CCNY: variants seen among roughly 807,000 people sequenced by gnomAD.
The protein encoded by CCNY is cyclin-Y.
Under a neutral mutation model 42.8 loss-of-function variants are expected in CCNY, and 19 were observed. The observed-to-expected ratio is 0.44, with a 90% CI of 0.31 to 0.65. CCNY has a LOEUF of 0.65. Ranked by LOEUF, CCNY falls within the 30% of genes least tolerant of loss-of-function variation. The pLI is 0.07. For synonymous variants in CCNY, 165 were observed against 162.7 expected, an observed-to-expected ratio of 1.01 and a Z score of -0.11; for missense variants, 370 against 437.3, an observed-to-expected ratio of 0.85 and a Z score of 1.37.
intron 7 of CCNY, among the ~76,000 whole-genome samples, chr10:35,540,287 G>T (rs192798903): frequency 1.3e-5 from 2 of 152,280 alleles, no homozygotes; most frequent in East Asian, 1.9e-4. Flanking sequence ...TTTTGAAAGG[G>T]TATTAGATTC....
chr10:35,387,641 C>T (rs1236735232), intron 1 of CCNY, among the ~76,000 whole-genome samples: 1 of 152,176 alleles, frequency 6.6e-6, no homozygotes, highest in Non-Finnish European at 1.5e-5. Flanking sequence ...TGCTCATGCA[C>T]ATACAGTTTG....
chr10:35,249,655 G>A (rs2095710438), intron 2 of CCNY, among the ~76,000 whole-genome samples: 1 of 152,230 alleles, frequency 6.6e-6, no homozygotes, highest in African/African-American at 2.4e-5. Flanking sequence ...CAATGATGAA[G>A]AGAATAGCAA....
chr10:35,404,010 C>T (rs537715190), intron 1 of CCNY, among the ~76,000 whole-genome samples: 169 of 152,050 alleles, frequency 1.1e-3, no homozygotes, highest in Non-Finnish European at 2.0e-3. Context: ...TGTGGGAGGC[C>T]GGATTGAAGT....
At position 35,248,948 on chromosome 10, in the gene CCNY, T is replaced by C. The variant is rs2095709968; in HGVS notation, c.-114+737T>C. On this transcript the variant is annotated intron_variant, in intron 2 of 11. Coordinates refer to the CCNY transcript ENST00000374706. ...AAAAGTCTTTTTTAGTGACACTAGG[T>C]TTGTTTTGTTTGGTTCAGTGATAGG... 2.0e-5 allele frequency among the ~76,000 whole-genome samples: 3 copies of C among 152,154 alleles called. No homozygotes were observed. In the South Asian group the frequency reaches 6.2e-4, roughly 32 times the overall value.
At chr10:35,496,953 C>T (rs1474696756) in intron 2 of CCNY, among the ~76,000 whole-genome samples, 2 of 152,152 alleles carry the variant, frequency 1.3e-5, no homozygotes, top group Admixed American at 6.5e-5. Flanking sequence ...TTAATGCCAA[C>T]TGTATTGTTT....
At chr10:35,351,835 C>T (rs1227012697) in intron 1 of CCNY, among the ~76,000 whole-genome samples, 1 of 152,146 alleles carries the variant, frequency 6.6e-6, no homozygotes, top group Non-Finnish European at 1.5e-5. Flanking sequence ...AGCCTGAAAT[C>T]ACATTCTCTT....
At position 35,337,153 on chromosome 10, in the gene CCNY, C is replaced by T. The variant is rs989670875; in HGVS notation, c.100C>T (p.Arg34Cys). ...CTACCGGCCAGACACGGACCTGAGCCGCGAGGACACGGGCTGCAACCTGCA... is the reference window on the plus strand; with the variant it reads ...CTACCGGCCAGACACGGACCTGAGCTGCGAGGACACGGGCTGCAACCTGCA... ...ESYRPDTDLSREDTGCNLQHI... is the reference protein window; with the variant it reads ...ESYRPDTDLSCEDTGCNLQHI... The change falls in exon 1 of 10, where the codon CGC (arginine) becomes TGC (cysteine). Residue 34 changes from arginine (R) to cysteine (C), a missense_variant. Arg to Cys is a radical substitution (Grantham distance 180). Coordinates refer to ENST00000374704, the MANE Select transcript of CCNY (RefSeq NM_145012.6). 1.3e-6 allele frequency: 2 copies of T among 1,582,854 alleles called. No individual in the cohort carries two copies. The highest frequency in any genetic ancestry group is 1.8e-5 in the Admixed American group (1 of 56,180).
intron 3 of CCNY, among the ~76,000 whole-genome samples, chr10:35,298,578 C>A (rs1449011382): frequency 6.6e-6 from 1 of 152,096 alleles, no homozygotes; most frequent in Non-Finnish European, 1.5e-5. Context: ...TACAGTGGCA[C>A]AATCATGGCT....
At chr10:35,546,472 G>A (rs571950555) in intron 7 of CCNY, among the ~76,000 whole-genome samples, 1 of 152,308 alleles carries the variant, frequency 6.6e-6, no homozygotes, top group East Asian at 1.9e-4. Flanking sequence ...AGAGTGACCT[G>A]TTAGCAATGG....
At chr10:35,367,796 AAGG>A (rs1379669300) in intron 1 of CCNY, among the ~76,000 whole-genome samples, 1 of 152,236 alleles carries the variant, frequency 6.6e-6, no homozygotes, top group Non-Finnish European at 1.5e-5. Flanking sequence ...AAACCTGAAA[AAGG>A]CATGTCTGAA....
chr10:35,252,521 G>A (rs1314795664), intron 3 of CCNY, among the ~76,000 whole-genome samples: 1 of 141,856 alleles, frequency 7.0e-6, no homozygotes, highest in South Asian at 2.2e-4. Flanking sequence ...AGCTGAGATC[G>A]CGCCACTGCA....
intron 1 of CCNY, among the ~76,000 whole-genome samples, chr10:35,354,374 C>CG (rs949066860): frequency 2.0e-5 from 3 of 151,840 alleles, no homozygotes; most frequent in African/African-American, 7.3e-5. Flanking sequence ...TTGGTAGAGA[C>CG]GGGGTTTCAC....
At position 35,534,565 on chromosome 10, in the gene CCNY, C is replaced by A. The variant is rs370107503; in HGVS notation, c.579+4322C>A. 2.6e-5 allele frequency among the ~76,000 whole-genome samples: 4 copies of A among 152,246 alleles called. No individual in the cohort carries two copies. In the South Asian group the frequency reaches 6.2e-4, roughly 24 times the overall value. ...AGACAGGAGGGGGTGTGGTCCCTTTCTTTATTTCCTATTTTTTAATAGCTT... is the reference window on the plus strand; with the variant it reads ...AGACAGGAGGGGGTGTGGTCCCTTTATTTATTTCCTATTTTTTAATAGCTT... On this transcript the variant is annotated intron_variant, in intron 7 of 9. Transcript: ENST00000374704.
chr10:35,312,978 C>T (rs1354392631), intron 3 of CCNY, among the ~76,000 whole-genome samples: 1 of 152,028 alleles, frequency 6.6e-6, no homozygotes, highest in Non-Finnish European at 1.5e-5. Flanking sequence ...TCCTTCCAGG[C>T]ATTGTAGGTC....
At chr10:35,290,577 T>C (rs1835402656) in intron 3 of CCNY, among the ~76,000 whole-genome samples, 1 of 152,258 alleles carries the variant, frequency 6.6e-6, no homozygotes, top group Non-Finnish European at 1.5e-5. Context: ...AAAATTCACA[T>C]ACTATACAAT....
rs145931002 is a variant in CCNY at position 35,361,076 on chromosome 10, C to G, written c.154+23869C>G. ...GTTTCGTCATGTTGGTCAGGCTGGTCTCGAACTCCTGGCCTTGTGATCCCC... is the reference window on the plus strand; with the variant it reads ...GTTTCGTCATGTTGGTCAGGCTGGTGTCGAACTCCTGGCCTTGTGATCCCC... On this transcript the variant is annotated intron_variant, in intron 1 of 9. Transcript: ENST00000374704. 4.6e-5 allele frequency among the ~76,000 whole-genome samples: 7 copies of G among 152,114 alleles called. No individual in the cohort carries two copies. In the East Asian group the frequency reaches 1.4e-3, roughly 29 times the overall value.
intron 3 of CCNY, among the ~76,000 whole-genome samples, chr10:35,262,256 T>TAAAA (rs2095720394): frequency 4.1e-5 from 1 of 24,572 alleles, no homozygotes; most frequent in African/African-American, 2.6e-4. Context: ...AAACTCTGTC[T>TAAAA]CAAAAAAAAA....
chr10:35,317,832 T>C (rs1835778193), intron 3 of CCNY, among the ~76,000 whole-genome samples: 2 of 152,176 alleles, frequency 1.3e-5, no homozygotes, highest in African/African-American at 4.8e-5. Context: ...GAGGAAGCTA[T>C]TGCTTAATTG....
chr10:35,380,542 C>T (rs1035172890), intron 1 of CCNY, among the ~76,000 whole-genome samples: 5 of 152,202 alleles, frequency 3.3e-5, no homozygotes, highest in Admixed American at 1.3e-4. Context: ...GATAATAGTA[C>T]GATGAGTCTC....
Sources: gnomAD v4.1 joint callset for allele counts (sites outside exome capture counted in the v4.1 genomes callset) on GRCh38, gnomAD v4.1.1 for gene constraint, MANE v1.5 for transcripts, NCBI Gene and HGNC (gene_info 2026-07-23, HGNC 2026-07-21) for gene names.